The following TNKS variants were observed in gnomAD, a reference collection of about 807,000 sequenced individuals.
TNKS encodes the protein tankyrase.
TNKS carries 72 observed loss-of-function variants against 135.8 expected under a neutral mutation model. The ratio of observed to expected loss-of-function variants is 0.53; its 90% CI spans 0.44 to 0.64. TNKS has a LOEUF of 0.64. TNKS is among the 30% of genes least tolerant of loss of function. The pLI is 0.00. For synonymous variants in TNKS, 849 were observed against 649.3 expected (o/e 1.31, Z -4.68); for missense variants, 1,769 against 1,674.0 (o/e 1.06, Z -0.99).
intron 3 of TNKS, among the ~76,000 whole-genome samples, chr8:9,639,923 C>T (rs945484093): frequency 3.9e-5 from 6 of 152,218 alleles, no homozygotes; most frequent in South Asian, 4.1e-4. Context: ...CTAATCGGGA[C>T]GGTTCAAGAA....
intron 5 of TNKS, among the ~76,000 whole-genome samples, chr8:9,686,532 A>T (rs1004343458): frequency 2.0e-5 from 3 of 152,192 alleles, no homozygotes; most frequent in Non-Finnish European, 4.4e-5. Flanking sequence ...CTTATTATCT[A>T]TTGGGCAAGA....
intron 1 of TNKS, among the ~76,000 whole-genome samples, chr8:9,577,071 T>TA (rs931135136): frequency 6.6e-6 from 1 of 151,952 alleles, no homozygotes; most frequent in African/African-American, 2.4e-5. Context: ...TTTTCAACAG[T>TA]AAAAAAGCAA....
chr8:9,692,061 A>G (rs1259915513), intron 5 of TNKS, among the ~76,000 whole-genome samples: 1 of 151,350 alleles, frequency 6.6e-6, no homozygotes, highest in East Asian at 1.9e-4. Flanking sequence ...TGTCCCCCCT[A>G]CTTTTATTTT....
intron 1 of TNKS, among the ~76,000 whole-genome samples, chr8:9,577,156 G>A (rs570208249): frequency 6.6e-6 from 1 of 151,960 alleles, no homozygotes; most frequent in Non-Finnish European, 1.5e-5. Context: ...AATGTGCACG[G>A]AATGGTCACG....
chr8:9,701,953 C>T (rs1281475796), intron 5 of TNKS, among the ~76,000 whole-genome samples: 1 of 152,120 alleles, frequency 6.6e-6, no homozygotes, highest in Non-Finnish European at 1.5e-5. Flanking sequence ...GGTAACAAGC[C>T]TAGGAACTCA....
chr8:9,734,053 C>T (rs922130690), intron 15 of TNKS, among the ~76,000 whole-genome samples: 6 of 151,418 alleles, frequency 4.0e-5, no homozygotes, highest in Admixed American at 2.0e-4. Context: ...TTTTTAACTA[C>T]GGAAAAAAAA....
rs58615570 is a variant in TNKS at position 9,581,154 on chromosome 8, T to C, written c.898+771T>C. Among the ~76,000 whole-genome samples the C allele has an allele frequency of 2.2e-3, 339 of 152,336 alleles. 10 individuals carry two copies. In the East Asian group the frequency reaches 0.05, roughly 23 times the overall value. ...CATCCACTTCAGCATAATCAGTTTT[T>C]TAATGATGCAACTAAAATATACATG... On this transcript the variant is annotated intron_variant, in intron 2 of 26. Coordinates refer to ENST00000310430, the MANE Select transcript of TNKS (RefSeq NM_003747.3).
intron 3 of TNKS, among the ~76,000 whole-genome samples, chr8:9,649,841 G>GTA (rs576732543): frequency 1.4e-5 from 2 of 143,590 alleles, no homozygotes; most frequent in South Asian, 2.2e-4. Context: ...ATTCCATGGT[G>GTA]TATATATATA....
chr8:9,624,237 C>G (rs1382751740), intron 3 of TNKS, among the ~76,000 whole-genome samples: 1 of 152,096 alleles, frequency 6.6e-6, no homozygotes, highest in Non-Finnish European at 1.5e-5. Flanking sequence ...AACTCTGTAA[C>G]ATTTGTATTG....
At chr8:9,605,027 T>A (rs1799161678) in intron 2 of TNKS, among the ~76,000 whole-genome samples, 2 of 152,054 alleles carry the variant, frequency 1.3e-5, no homozygotes, top group South Asian at 4.1e-4. Flanking sequence ...TTTATCAAGT[T>A]TGAAGTAATG....
chr8:9,615,703 G>T, intron 3 of TNKS, 26 bp downstream of exon 3: 1 of 1,554,542 alleles, frequency 6.4e-7, no homozygotes, highest in South Asian at 1.2e-5. Flanking sequence ...GCTACCGAAT[G>T]ATTATATCTG....
chr8:9,720,419 G>A lies in TNKS; in HGVS notation c.1795G>A (p.Ala599Thr), dbSNP rs1199109399. Reference sequence around the variant, plus strand: ...TGGTCAGACTGCTTTGCATAGAGCCGCCCTAGCAGGTCACCTGCAGACCTG... The same window carrying A: ...TGGTCAGACTGCTTTGCATAGAGCCACCCTAGCAGGTCACCTGCAGACCTG... ...TLGQTALHRAALAGHLQTCRL... is the reference protein window; with the variant it reads ...TLGQTALHRATLAGHLQTCRL... The change falls in exon 12 of 27, where the codon GCC (alanine) becomes ACC (threonine). Residue 599 changes from alanine to threonine, a missense_variant. Physicochemically the swap from Ala to Thr is moderately conservative, Grantham distance 58. Around this residue, in one of 5 missense-constraint regions of TNKS, gnomAD observed 523 missense variants for 541.0 expected, o/e 0.97. Transcript: ENST00000310430. The A allele has an allele frequency of 2.5e-6, 4 of 1,613,890 alleles. No homozygotes were observed. Among genetic ancestry groups the A allele is most frequent in the Non-Finnish European group, 3.4e-6 (4 of 1,179,924 alleles).
intron 3 of TNKS, among the ~76,000 whole-genome samples, chr8:9,632,631 G>A (rs1056237808): frequency 1.3e-5 from 2 of 152,186 alleles, no homozygotes; most frequent in African/African-American, 4.8e-5. Flanking sequence ...CTACTTAGCT[G>A]TCACCTCTTT....
chr8:9,691,479 T>G (rs1803266254), intron 5 of TNKS, among the ~76,000 whole-genome samples: 1 of 152,094 alleles, frequency 6.6e-6, no homozygotes. Flanking sequence ...GCTATATTAG[T>G]CCATTTCTGA....
chr8:9,600,661 A>G (rs1798983428), intron 2 of TNKS, among the ~76,000 whole-genome samples: 1 of 151,970 alleles, frequency 6.6e-6, no homozygotes, highest in Non-Finnish European at 1.5e-5. Flanking sequence ...TTTCCCACTG[A>G]CGTACTTGGA....
chr8:9,609,371 T>A (rs1056879424), intron 2 of TNKS, among the ~76,000 whole-genome samples: 1 of 152,178 alleles, frequency 6.6e-6, no homozygotes, highest in Non-Finnish European at 1.5e-5. Flanking sequence ...ACACCCAAAG[T>A]TTCCAACCAG....
chr8:9,750,350 C>T (rs561409884), intron 18 of TNKS, among the ~76,000 whole-genome samples: 36 of 152,252 alleles, frequency 2.4e-4, no homozygotes, highest in African/African-American at 8.2e-4. Context: ...AATACATTTC[C>T]TTAAAGAGAA....
intron 3 of TNKS, among the ~76,000 whole-genome samples, chr8:9,634,059 GA>G (rs964969827): frequency 3.4e-4 from 48 of 142,216 alleles, no homozygotes; most frequent in Admixed American, 4.3e-4. Flanking sequence ...AGGAATTAAG[GA>G]AAAAAAACTC....
At chr8:9,721,069 C>G (rs899007273) in intron 12 of TNKS, among the ~76,000 whole-genome samples, 2 of 151,888 alleles carry the variant, frequency 1.3e-5, no homozygotes, top group African/African-American at 4.8e-5. Flanking sequence ...ATCACGAGGA[C>G]AGGAGATCGA....
Sources: gnomAD v4.1 joint callset for allele counts (sites outside exome capture counted in the v4.1 genomes callset) on GRCh38, gnomAD v4.1.1 for gene constraint, gnomAD v4.1.1 regional missense constraint, MANE v1.5 for transcripts, NCBI Gene and HGNC (gene_info 2026-07-23, HGNC 2026-07-21) for gene names.